The following RANBP2 variants were observed in gnomAD, a reference collection of about 807,000 sequenced individuals.
RANBP2 encodes the protein RAN binding protein 2.
A neutral mutation model predicts 303.6 loss-of-function variants in RANBP2; 57 were observed. The ratio of observed to expected loss-of-function variants is 0.19; its 90% CI spans 0.15 to 0.23. The LOEUF is 0.23. Among genes scored for constraint, RANBP2 ranks in the 10% least tolerant of loss-of-function variants. RANBP2 has a pLI of 1.00. For missense variants in RANBP2, 3,138 were observed against 3,780.8 expected (o/e 0.83, Z 4.46); for synonymous variants, 1,167 against 1,301.5 (o/e 0.90, Z 2.23).
chr2:108,780,359 A>ATTTTTTT (rs869269194), intron 25 of RANBP2, among the ~76,000 whole-genome samples: 1 of 111,740 alleles, frequency 8.9e-6, no homozygotes, highest in Non-Finnish European at 1.8e-5. Context: ...CGCCCGGCTA[A>ATTTTTTT]TTTTTTTTTT....
At position 108,744,244 on chromosome 2, in the gene RANBP2, A is replaced by C. The variant is rs1295363814; in HGVS notation, c.976-2467A>C. On this transcript the variant is annotated intron_variant, in intron 7 of 28. Coordinates refer to ENST00000283195, the MANE Select transcript of RANBP2 (RefSeq NM_006267.5). Reference sequence around the variant, plus strand: ...CATGGTCAAACCCCATCTCTACTAAAAATACAAAAATTAGCCACGCATGGT... The same window carrying C: ...CATGGTCAAACCCCATCTCTACTAACAATACAAAAATTAGCCACGCATGGT... Among the ~76,000 whole-genome samples the C allele has an allele frequency of 5.3e-5, 8 of 152,288 alleles. No homozygotes were observed. The East Asian group carries it at 1.2e-3, about 22-fold the overall frequency.
the RANBP2 span, among the ~76,000 whole-genome samples, chr2:109,546,994 T>C: frequency 2.0e-5 from 3 of 152,324 alleles, no homozygotes; most frequent in African/African-American, 7.2e-5. Flanking sequence ...GAAAGCTCTC[T>C]GACCTCCCTT....
chr2:108,929,139 G>GC, the RANBP2 span: 1 of 1,599,518 alleles, frequency 6.3e-7, no homozygotes, highest in South Asian at 1.1e-5. Context: ...CTTGCCCGTA[G>GC]CCCCTCGGGG....
the RANBP2 span, among the ~76,000 whole-genome samples, chr2:109,115,353 C>T: frequency 6.6e-6 from 1 of 152,172 alleles, no homozygotes; most frequent in African/African-American, 2.4e-5. Flanking sequence ...GTTAGCTCTT[C>T]TTGTTGAATT....
the RANBP2 span, among the ~76,000 whole-genome samples, chr2:108,893,215 T>G: frequency 2.2e-4 from 7 of 32,064 alleles, no homozygotes; most frequent in Non-Finnish European, 6.0e-4. Context: ...TTTTTAAACT[T>G]CCTGTTACTT....
At chr2:109,189,429 C>T in the RANBP2 span, among the ~76,000 whole-genome samples, 4 of 150,548 alleles carry the variant, frequency 2.7e-5, no homozygotes, top group South Asian at 2.1e-4. Flanking sequence ...AGTGCAATAG[C>T]GCTATCTCGG....
the RANBP2 span, among the ~76,000 whole-genome samples, chr2:109,365,257 A>C: frequency 1.3e-5 from 2 of 152,176 alleles, no homozygotes. Flanking sequence ...CTTGAGGCAC[A>C]ATTCACAAAG....
At position 108,763,236 on chromosome 2, in the gene RANBP2, G is replaced by A; in HGVS notation, c.2698-1G>A. 6.2e-7 allele frequency: 1 copy of A among 1,613,238 alleles called. No homozygotes were observed. Among genetic ancestry groups the A allele is most frequent in the Non-Finnish European group, 8.5e-7 (1 of 1,179,796 alleles). On this transcript the variant is annotated splice_acceptor_variant, in intron 19 of 28. Transcript: ENST00000283195. LOFTEE classifies it high-confidence loss of function. ...AAATGTTTTAACTTTCTGTCTTTTAGGGCCCAGTCTATGGCATGAATAGGC... is the reference window on the plus strand; with the variant it reads ...AAATGTTTTAACTTTCTGTCTTTTAAGGCCCAGTCTATGGCATGAATAGGC...
At chr2:109,400,853 G>A in the RANBP2 span, among the ~76,000 whole-genome samples, 4 of 152,238 alleles carry the variant, frequency 2.6e-5, no homozygotes, top group Non-Finnish European at 4.4e-5. Flanking sequence ...GTGCCTGGGA[G>A]CCATATTCCC....
At chr2:109,156,312 C>T in the RANBP2 span, among the ~76,000 whole-genome samples, 2 of 152,316 alleles carry the variant, frequency 1.3e-5, no homozygotes, top group South Asian at 2.1e-4. Flanking sequence ...CTCCGCCCCT[C>T]GCATCTTCCC....
the RANBP2 span, among the ~76,000 whole-genome samples, chr2:109,574,335 A>G: frequency 6.6e-6 from 1 of 151,238 alleles, no homozygotes; most frequent in Non-Finnish European, 1.5e-5. Flanking sequence ...AGTCCCAGCT[A>G]CCTGGGAAGC....
At chr2:109,642,897 G>A in the RANBP2 span, among the ~76,000 whole-genome samples, 7 of 152,300 alleles carry the variant, frequency 4.6e-5, no homozygotes, top group South Asian at 4.1e-4. Context: ...AGTCTTGGCC[G>A]GGTGTGGTGG....
the RANBP2 span, among the ~76,000 whole-genome samples, chr2:109,499,251 G>A: frequency 6.6e-6 from 1 of 152,266 alleles, no homozygotes; most frequent in East Asian, 1.9e-4. Flanking sequence ...TGGGTACCCG[G>A]GCAGTCCAGT....
the RANBP2 span, among the ~76,000 whole-genome samples, chr2:109,332,442 G>A: frequency 2.6e-5 from 4 of 152,150 alleles, no homozygotes; most frequent in Admixed American, 6.5e-5. Flanking sequence ...CTTCCTGGAC[G>A]GGCTTGGGGC....
At chr2:109,665,601 A>G in the RANBP2 span, 1 of 152,358 alleles carries the variant, frequency 6.6e-6, no homozygotes, top group South Asian at 2.1e-4. Context: ...TCAGCTTTCC[A>G]AAGTGCTGGG....
chr2:108,920,537 G>A, the RANBP2 span, among the ~76,000 whole-genome samples: 196 of 152,064 alleles, frequency 1.3e-3, no homozygotes, highest in South Asian at 4.8e-3. Context: ...TCTTTTCACC[G>A]GGCTACAGGG....
At chr2:108,810,405 G>A in the RANBP2 span, among the ~76,000 whole-genome samples, 1 of 152,110 alleles carries the variant, frequency 6.6e-6, no homozygotes, top group Non-Finnish European at 1.5e-5. Flanking sequence ...TGAAATGATC[G>A]TAAGGTAATT....
At chr2:109,675,020 A>G in the RANBP2 span, among the ~76,000 whole-genome samples, 8 of 152,098 alleles carry the variant, frequency 5.3e-5, no homozygotes, top group African/African-American at 1.4e-4. Flanking sequence ...CCGAGGCTGG[A>G]GTGCAATGGT....
rs116762876 is a variant in RANBP2 at position 108,774,920 on chromosome 2, G to A, written c.8293-812G>A. On this transcript the variant is annotated intron_variant, in intron 23 of 28. Coordinates refer to ENST00000283195, the MANE Select transcript of RANBP2 (RefSeq NM_006267.5). ...TTGGTAAGGCTGGTCTTGAACTCCT[G>A]ACTTCAAGTGTTCCTCCTGACTTGG... Among the ~76,000 whole-genome samples the A allele has an allele frequency of 9.4e-3, 1,435 of 152,164 alleles. 16 individuals are homozygous for A. Among genetic ancestry groups the A allele is most frequent in the Non-Finnish European group, 0.011 (781 of 67,990 alleles).
Sources: allele counts gnomAD v4.1 joint callset (sites outside exome capture counted in the v4.1 genomes callset), GRCh38; gene constraint gnomAD v4.1.1; transcripts MANE v1.5; gene names NCBI Gene and HGNC (gene_info 2026-07-23, HGNC 2026-07-21).